Variants in KALRN observed in about 807,000 individuals in gnomAD.
KALRN encodes kalirin RhoGEF kinase.
Under a neutral mutation model 353.7 loss-of-function variants are expected in KALRN, and 70 were observed. The observed-to-expected ratio is 0.20, with a 90% confidence interval of 0.16 to 0.24. The LOEUF is 0.24. Ranked by LOEUF, KALRN falls within the 10% of genes least tolerant of loss-of-function variation. KALRN has a pLI of 1.00. For missense variants in KALRN, 2,791 were observed against 3,756.7 expected (o/e 0.74, Z 6.72); for synonymous variants, 1,391 against 1,434.8 (o/e 0.97, Z 0.69).
chr3:124,466,810 T>G (rs993841355), intron 25 of KALRN, among the ~76,000 whole-genome samples: 1 of 152,104 alleles, frequency 6.6e-6, no homozygotes, highest in South Asian at 2.1e-4. Flanking sequence ...CTCTCTCCCC[T>G]TCTCTCACTC....
intron 33 of KALRN, among the ~76,000 whole-genome samples, chr3:124,547,216 C>A (rs1375915652): frequency 1.3e-5 from 2 of 151,898 alleles, no homozygotes; most frequent in Non-Finnish European, 2.9e-5. Flanking sequence ...CCCAGGCTGG[C>A]CTCGAACTTC....
chr3:124,297,677 T>C (rs1461380240), intron 5 of KALRN, among the ~76,000 whole-genome samples: 5 of 152,254 alleles, frequency 3.3e-5, no homozygotes, highest in Non-Finnish European at 5.9e-5. Context: ...AATTTCCTGC[T>C]CTGGACAGAA....
At chr3:124,116,285 G>A (rs1222778463) in intron 1 of KALRN, among the ~76,000 whole-genome samples, 1 of 152,162 alleles carries the variant, frequency 6.6e-6, no homozygotes, top group Non-Finnish European at 1.5e-5. Context: ...TCCTTGTACT[G>A]GAAAAAGAAC....
intron 33 of KALRN, among the ~76,000 whole-genome samples, chr3:124,561,369 G>T (rs1335172362): frequency 6.6e-6 from 1 of 152,184 alleles, no homozygotes; most frequent in African/African-American, 2.4e-5. Context: ...TGGGGACGTG[G>T]TTAGCACAGA....
At chr3:124,615,090 A>G (rs1180739579) in intron 34 of KALRN, among the ~76,000 whole-genome samples, 1 of 152,236 alleles carries the variant, frequency 6.6e-6, no homozygotes, top group Non-Finnish European at 1.5e-5. Flanking sequence ...CTAAGTGAGT[A>G]TGCAGTTTTA....
intron 11 of KALRN, 62 bp downstream of exon 11, chr3:124,385,098 A>T: frequency 6.9e-7 from 1 of 1,447,162 alleles, no homozygotes; most frequent in Non-Finnish European, 9.4e-7. Flanking sequence ...GCTTCCTAGT[A>T]AAATGGCCCT....
At chr3:124,546,866 A>G (rs1420242176) in intron 33 of KALRN, among the ~76,000 whole-genome samples, 2 of 152,296 alleles carry the variant, frequency 1.3e-5, no homozygotes, top group African/African-American at 4.8e-5. Flanking sequence ...TGGCCCATAT[A>G]TGCTGGGGAT....
At chr3:124,474,871 A>G in intron 26 of KALRN, 139 bp downstream of exon 26, 1 of 721,518 alleles carries the variant, frequency 1.4e-6, no homozygotes, top group East Asian at 2.6e-5. Context: ...GTCTGAGAGA[A>G]GCCTTGGGAA....
intron 5 of KALRN, among the ~76,000 whole-genome samples, chr3:124,296,902 TCTCA>T: frequency 6.6e-6 from 1 of 152,214 alleles, no homozygotes; most frequent in Non-Finnish European, 1.5e-5. Flanking sequence ...CTCTTCCCCA[TCTCA>T]CTCCTCAAGG....
intron 33 of KALRN, among the ~76,000 whole-genome samples, chr3:124,550,332 A>T (rs532547991): frequency 6.6e-5 from 10 of 152,218 alleles, no homozygotes; most frequent in African/African-American, 2.4e-4. Flanking sequence ...AGGGTAAGGG[A>T]AAGAGAATCT....
rs2064027245 is a variant in KALRN, at chr3:124,497,774, G to A, written c.4935+1361G>A. 2.6e-5 allele frequency among the ~76,000 whole-genome samples: 4 copies of A among 152,190 alleles called. No homozygotes were observed. The South Asian group carries it at 8.3e-4, about 31-fold the overall frequency. ...GTTCCTCTTTAAACAGTCAGTGGGTGGTAAGTCAAGTGCAGTGTTTCCCAT... is the reference window on the plus strand; with the variant it reads ...GTTCCTCTTTAAACAGTCAGTGGGTAGTAAGTCAAGTGCAGTGTTTCCCAT... On this transcript the variant is annotated intron_variant, in intron 33 of 59. Coordinates refer to ENST00000682506, the MANE Select transcript of KALRN (RefSeq NM_001388419.1).
chr3:124,635,524 C>A (rs1578522668), intron 36 of KALRN, among the ~76,000 whole-genome samples: 1 of 152,098 alleles, frequency 6.6e-6, no homozygotes. Flanking sequence ...TCTCCTTATT[C>A]CTGCTTGTTT....
intron 1 of KALRN, among the ~76,000 whole-genome samples, chr3:124,084,497 G>A (rs2149333768): frequency 6.6e-6 from 1 of 152,336 alleles, no homozygotes; most frequent in Non-Finnish European, 1.5e-5. Flanking sequence ...AAGCACATGA[G>A]CTGCACATCA....
At chr3:124,629,341 A>G (rs1021490042) in intron 34 of KALRN, among the ~76,000 whole-genome samples, 21 of 152,128 alleles carry the variant, frequency 1.4e-4, no homozygotes, top group Admixed American at 6.5e-4. Context: ...GCTGTGCTGT[A>G]TATAGTTGCC....
chr3:124,660,863 C>G (rs2084778001), intron 43 of KALRN, 60 bp from the exon 44 acceptor site: 1 of 1,187,292 alleles, frequency 8.4e-7, no homozygotes, highest in African/African-American at 1.5e-5. Context: ...AAGTTTTTTC[C>G]CAGCTATTTT....
intron 13 of KALRN, among the ~76,000 whole-genome samples, chr3:124,405,762 G>A (rs1345145193): frequency 6.8e-6 from 1 of 148,144 alleles, no homozygotes; most frequent in Non-Finnish European, 1.5e-5. Context: ...TCCTGCCTCA[G>A]CCTCCTGAGT....
At chr3:124,188,364 C>T (rs536529767) in intron 1 of KALRN, among the ~76,000 whole-genome samples, 19 of 152,020 alleles carry the variant, frequency 1.2e-4, no homozygotes, top group Non-Finnish European at 2.5e-4. Context: ...ATGAGGGGTG[C>T]GCAAGGGTGG....
intron 5 of KALRN, among the ~76,000 whole-genome samples, chr3:124,277,994 C>CTATG: frequency 1.3e-5 from 1 of 75,578 alleles, no homozygotes; most frequent in African/African-American, 4.4e-5. Context: ...CAGAGATGAA[C>CTATG]TATGTGTGTG....
Position 124,228,077 on chromosome 3 carries a change from G to A in KALRN, c.148+13G>A. 1 of 1,606,354 alleles carries A rather than the reference G, an allele frequency of 6.2e-7. No homozygotes were observed. The highest frequency in any genetic ancestry group is 8.5e-7 in the Non-Finnish European group (1 of 1,173,088). On this transcript the variant is annotated intron_variant, in intron 2 of 59. Transcript: ENST00000682506. ...GCCTTCGTGTCTGGTGAGTATTTGT[G>A]GGACTTTCTTTTGTAAAGGACCTAG...
Sources: allele counts gnomAD v4.1 joint callset (sites outside exome capture counted in the v4.1 genomes callset), GRCh38; gene constraint gnomAD v4.1.1; transcripts MANE v1.5; gene names NCBI Gene and HGNC (gene_info 2026-07-23, HGNC 2026-07-21).